TECPR2: variants seen among roughly 807,000 people sequenced by gnomAD.
TECPR2 encodes the protein tectonin beta-propeller repeat-containing protein 2.
TECPR2 carries 65 observed loss-of-function variants against 138.1 expected under a neutral mutation model. The observed-to-expected ratio is 0.47, with a 90% CI of 0.39 to 0.58. The LOEUF (loss-of-function observed/expected upper bound fraction) is 0.58, where lower values mean the gene tolerates loss of function less well. Among genes scored for constraint, TECPR2 ranks in the 20% least tolerant of loss-of-function variants. The pLI, the probability that TECPR2 is intolerant of heterozygous loss-of-function variation, is 0.00. For missense variants in TECPR2, 1,553 were observed against 1,824.5 expected (o/e 0.85, Z 2.71); for synonymous variants, 746 against 749.8 (o/e 0.99, Z 0.08).
At chr14:102,460,941 C>A (rs1272835309) in intron 16 of TECPR2, among the ~76,000 whole-genome samples, 2 of 151,992 alleles carry the variant, frequency 1.3e-5, no homozygotes, top group South Asian at 4.1e-4. Context: ...GTGATCCACC[C>A]GCCTCAGCCT....
At chr14:102,411,698 T>TAA (rs1219515960) in intron 4 of TECPR2, among the ~76,000 whole-genome samples, 10 of 9,670 alleles carry the variant, frequency 1.0e-3, no homozygotes, top group Non-Finnish European at 1.5e-3. Context: ...GCCATGTTGC[T>TAA]CAAAAAAAAA....
At chr14:102,395,214 A>G (rs1888284810) in intron 2 of TECPR2, among the ~76,000 whole-genome samples, 1 of 152,200 alleles carries the variant, frequency 6.6e-6, no homozygotes, top group South Asian at 2.1e-4. Flanking sequence ...GCAACAGCTA[A>G]GCTTTAAGAG....
chr14:102,370,286 G>A (rs1887466781), intron 1 of TECPR2, among the ~76,000 whole-genome samples: 2 of 151,974 alleles, frequency 1.3e-5, no homozygotes, highest in African/African-American at 2.4e-5. Flanking sequence ...GGTCATGCTG[G>A]TCTCAAACTC....
At chr14:102,438,669 G>A (rs1889746568) in intron 10 of TECPR2, among the ~76,000 whole-genome samples, 1 of 152,216 alleles carries the variant, frequency 6.6e-6, no homozygotes, top group Admixed American at 6.5e-5. Flanking sequence ...TAGGAATTCT[G>A]TTTTAATGAG....
chr14:102,397,885 T>A (rs1888357018), intron 2 of TECPR2, among the ~76,000 whole-genome samples: 1 of 151,672 alleles, frequency 6.6e-6, no homozygotes. Context: ...CTGGCCAACA[T>A]GTTGAAACCC....
chr14:102,494,991 T>C (rs1891243818), intron 17 of TECPR2, among the ~76,000 whole-genome samples: 1 of 152,088 alleles, frequency 6.6e-6, no homozygotes, highest in African/African-American at 2.4e-5. Flanking sequence ...GGGGAATGGC[T>C]CACTTGAACC....
At chr14:102,399,909 T>TTTTAA (rs1294545695) in intron 2 of TECPR2, among the ~76,000 whole-genome samples, 1 of 152,096 alleles carries the variant, frequency 6.6e-6, no homozygotes, top group East Asian at 1.9e-4. Flanking sequence ...TTTTAAAAGC[T>TTTTAA]AATATTACTG....
At chr14:102,497,860 T>C (rs1595153516) in intron 19 of TECPR2, 141 bp downstream of exon 19, 1 of 1,260,282 alleles carries the variant, frequency 7.9e-7, no homozygotes, top group East Asian at 2.6e-5. Flanking sequence ...GCCAGGAGTG[T>C]GTCCCAGGGA....
At chr14:102,423,363 G>A (rs891383078) in intron 5 of TECPR2, among the ~76,000 whole-genome samples, 2 of 151,788 alleles carry the variant, frequency 1.3e-5, no homozygotes, top group Non-Finnish European at 2.9e-5. Flanking sequence ...ACCCAAGAGG[G>A]AGAGGTTCCA....
At chr14:102,460,390 G>C (rs550204931) in intron 16 of TECPR2, among the ~76,000 whole-genome samples, 2 of 152,142 alleles carry the variant, frequency 1.3e-5, no homozygotes, top group African/African-American at 4.8e-5. Flanking sequence ...AAGGCAGGCA[G>C]ATCACCTAAG....
intron 2 of TECPR2, 35 bp downstream of exon 2, chr14:102,376,975 C>T (rs567560284): frequency 6.5e-5 from 101 of 1,554,262 alleles, no homozygotes; most frequent in South Asian, 5.5e-4. Context: ...TGAGGGGGCA[C>T]GAGCCATAGC....
At chr14:102,364,056 G>T (rs1887274452) in intron 1 of TECPR2, among the ~76,000 whole-genome samples, 2 of 152,188 alleles carry the variant, frequency 1.3e-5, no homozygotes, top group Admixed American at 6.5e-5. Context: ...TGTTCCATGT[G>T]TTGGCAGAAT....
chr14:102,431,525 G>A (rs1175348821), intron 7 of TECPR2, among the ~76,000 whole-genome samples: 3 of 152,012 alleles, frequency 2.0e-5, no homozygotes, highest in African/African-American at 7.2e-5. Context: ...TGTATTTTTA[G>A]TAGAGACGGG....
At chr14:102,429,090 G>T (rs775444229) in intron 7 of TECPR2, among the ~76,000 whole-genome samples, 2 of 152,100 alleles carry the variant, frequency 1.3e-5, no homozygotes, top group African/African-American at 2.4e-5. Context: ...CAGGCGATCC[G>T]CCTGCCTCCG....
chr14:102,460,754 GCA>G (rs1464224340), intron 16 of TECPR2, among the ~76,000 whole-genome samples: 2 of 150,002 alleles, frequency 1.3e-5, no homozygotes, highest in Non-Finnish European at 3.0e-5. Flanking sequence ...GAGTGCAGTG[GCA>G]CGATCTCCGC....
At chr14:102,485,257 G>A (rs932481238) in intron 17 of TECPR2, among the ~76,000 whole-genome samples, 4 of 152,240 alleles carry the variant, frequency 2.6e-5, no homozygotes, top group South Asian at 4.1e-4. Flanking sequence ...AAGTTGTTCC[G>A]TCAGCACAAC....
chr14:102,405,827 C>G (rs553560563), intron 2 of TECPR2, among the ~76,000 whole-genome samples: 29 of 152,126 alleles, frequency 1.9e-4, no homozygotes, highest in African/African-American at 7.0e-4. Context: ...TATGTACATA[C>G]AAGAGAATAT....
chr14:102,434,460 A>C lies in TECPR2; in HGVS notation c.1643A>C (p.Asn548Thr). Residue 548 changes from asparagine (N) to threonine (T), a missense_variant, in exon 9 of 20, where the codon AAT (asparagine) becomes ACT (threonine). Asn to Thr is a moderately conservative substitution (Grantham distance 65). Coordinates refer to ENST00000359520, the MANE Select transcript of TECPR2 (RefSeq NM_014844.5). ...PQENTDPETF[N>T]VLEVSGSMPD... ...GAAAATACTGACCCCGAAACGTTTA[A>C]TGTCCTGGAGGTGTCAGGATCAATG... The C allele has an allele frequency of 6.5e-7, 1 of 1,545,282 alleles. No individual in the cohort carries two copies. The highest frequency in any genetic ancestry group is 8.7e-7 in the Non-Finnish European group (1 of 1,148,110).
chr14:102,391,833 AAGGC>A (rs1165398449), intron 2 of TECPR2, among the ~76,000 whole-genome samples: 6 of 152,098 alleles, frequency 3.9e-5, no homozygotes, highest in Admixed American at 1.3e-4. Flanking sequence ...AGGCCTCCTG[AAGGC>A]AGCACCCTTG....
Sources: gnomAD v4.1 joint callset for allele counts (sites outside exome capture counted in the v4.1 genomes callset) on GRCh38, gnomAD v4.1.1 for gene constraint, MANE v1.5 for transcripts, NCBI Gene and HGNC (gene_info 2026-07-23, HGNC 2026-07-21) for gene names.